The following ATAT1 variants were observed in gnomAD, a reference collection of about 807,000 sequenced individuals.
ATAT1 encodes the protein alpha-tubulin N-acetyltransferase 1.
In ATAT1, 42 loss-of-function variants were observed where a neutral mutation model predicts 57.2. The ratio of observed to expected loss-of-function variants is 0.73; its 90% confidence interval spans 0.57 to 0.95. The LOEUF (loss-of-function observed/expected upper bound fraction) is 0.95, where lower values mean the gene tolerates loss of function less well. ATAT1 is among the 40% of genes least tolerant of loss of function. ATAT1 has a pLI of 0.00. For synonymous variants in ATAT1, 168 were observed against 187.1 expected, an observed-to-expected ratio of 0.90 and a Z score of 0.83; for missense variants, 454 against 523.7, an observed-to-expected ratio of 0.87 and a Z score of 1.30.
rs377321616 is a variant in ATAT1, at chr6:30,642,282, G to A, written c.688+35G>A. The A allele has an allele frequency of 1.2e-4, 200 of 1,613,468 alleles. No homozygotes were observed. The African/African-American group carries it at 2.2e-3, about 18-fold the overall frequency. On this transcript the variant is annotated intron_variant, in intron 9 of 12. Transcript: ENST00000330083. ...GCAAGGGTCGGGTGTCTGGGCCTGG[G>A]GTACCTTAACACAAGGGAAGAGAAT...
intron 6 of ATAT1, among the ~76,000 whole-genome samples, chr6:30,628,981 A>C (rs1267770604): frequency 6.7e-6 from 1 of 149,908 alleles, no homozygotes; most frequent in Non-Finnish European, 1.5e-5. Flanking sequence ...GGCTCACTGC[A>C]GCCCAACCTT....
chr6:30,640,462 G>A lies in ATAT1; in HGVS notation c.547+40G>A, dbSNP rs758529689. On this transcript the variant is annotated intron_variant, in intron 7 of 12. Transcript: ENST00000330083. ...TTTGTTGGTCACGTAGTCGGGGTGA[G>A]GGAAAGGAAAGAGCTGGACTCTTGG... 5.0e-6 allele frequency: 8 copies of A among 1,612,790 alleles called. No individual in the cohort carries two copies. In the South Asian group the frequency reaches 6.6e-5, roughly 13 times the overall value.
chr6:30,636,515 G>A (rs1479792106), intron 6 of ATAT1, among the ~76,000 whole-genome samples: 1 of 152,136 alleles, frequency 6.6e-6, no homozygotes, highest in Non-Finnish European at 1.5e-5. Context: ...GAACCCAGGA[G>A]GCGGAGCTTG....
At chr6:30,643,399 A>G in intron 10 of ATAT1, 1 of 1,484,230 alleles carries the variant, frequency 6.7e-7, no homozygotes, top group African/African-American at 1.4e-5. Context: ...AGTCCATCGC[A>G]GCAGGCAGGG....
At chr6:30,637,166 G>T (rs1764275673) in intron 6 of ATAT1, among the ~76,000 whole-genome samples, 1 of 152,160 alleles carries the variant, frequency 6.6e-6, no homozygotes, top group Admixed American at 6.5e-5. Flanking sequence ...GCAGTATAGA[G>T]TGTAAATAAT....
Position 30,646,650 on chromosome 6 carries a change from C to G in ATAT1, c.*7C>G. Reference sequence around the variant, plus strand: ...CAGCACCAGGCCTTGGTGACCGCAGCCCCGTCAAACATCTTCAAAGTATTA... The same window carrying G: ...CAGCACCAGGCCTTGGTGACCGCAGGCCCGTCAAACATCTTCAAAGTATTA... On this transcript the variant is annotated 3_prime_UTR_variant, in exon 13 of 13. Transcript: ENST00000330083. 6.5e-7 allele frequency: 1 copy of G among 1,547,272 alleles called. No homozygotes were observed. Among genetic ancestry groups the G allele is most frequent in the Non-Finnish European group, 8.7e-7 (1 of 1,144,452 alleles).
chr6:30,635,723 T>A (rs879942896), intron 6 of ATAT1, among the ~76,000 whole-genome samples: 3 of 152,220 alleles, frequency 2.0e-5, no homozygotes, highest in Non-Finnish European at 4.4e-5. Flanking sequence ...TCTGAGAAGT[T>A]ACCATTGGAT....
chr6:30,627,770 T>C (rs1329744897), intron 3 of ATAT1, 43 bp downstream of exon 3: 24 of 1,605,660 alleles, frequency 1.5e-5, no homozygotes, highest in Non-Finnish European at 2.0e-5. Flanking sequence ...AATTCCTTCC[T>C]TCCTCAGCCC....
chr6:30,632,660 G>A (rs968693459), intron 6 of ATAT1, among the ~76,000 whole-genome samples: 4 of 151,246 alleles, frequency 2.6e-5, no homozygotes, highest in Non-Finnish European at 5.9e-5. Flanking sequence ...GGCAATAGCC[G>A]GGCACAGTGG....
At chr6:30,640,890 T>C (rs1424877236) in intron 8 of ATAT1, among the ~76,000 whole-genome samples, 1 of 152,170 alleles carries the variant, frequency 6.6e-6, no homozygotes, top group African/African-American at 2.4e-5. Flanking sequence ...GGCTCCTTTG[T>C]AAACCCCAGG....
Position 30,646,033 on chromosome 6 carries a change from T to C in ATAT1, c.1013-34T>C. The C allele has an allele frequency of 1.9e-6, 3 of 1,608,972 alleles. No individual in the cohort carries two copies. In the South Asian group the frequency reaches 3.3e-5, roughly 18 times the overall value. ...GTAGGCCACATTCACTGTCTACTCC[T>C]GCCTTCCCATTCACATGCCTGATAT... On this transcript the variant is annotated intron_variant, in intron 11 of 12. Transcript: ENST00000330083.
chr6:30,645,059 G>A (rs1271655280), intron 10 of ATAT1, among the ~76,000 whole-genome samples: 3 of 151,964 alleles, frequency 2.0e-5, no homozygotes, highest in Non-Finnish European at 4.4e-5. Flanking sequence ...ATTACCTGAC[G>A]TCTGCTCCAC....
At chr6:30,642,399 T>A in intron 9 of ATAT1, 152 bp downstream of exon 9, 1 of 1,144,890 alleles carries the variant, frequency 8.7e-7, no homozygotes, top group Non-Finnish European at 1.3e-6. Context: ...TCCCAGCACT[T>A]TGAGAGGCTA....
intron 10 of ATAT1, 29 bp downstream of exon 10, chr6:30,643,040 T>C: frequency 6.3e-7 from 1 of 1,582,052 alleles, no homozygotes; most frequent in Non-Finnish European, 8.6e-7. Flanking sequence ...CTAAGGAGCC[T>C]CACAGCTATA....
rs189167886 is a variant in ATAT1 at position 30,643,701 on chromosome 6, C to A, written c.932+690C>A. The A allele has an allele frequency of 6.5e-4, 959 of 1,472,948 alleles. 4 individuals carry two copies. The highest frequency in any genetic ancestry group is 5.7e-3 in the Middle Eastern group (29 of 5,052). 91.2% of individuals were successfully genotyped at this position (1,472,948 alleles called of 1,614,324 possible). A position where few individuals can be genotyped will look rare whatever the true frequency, so the allele number is the denominator to read the frequency against. On this transcript the variant is annotated intron_variant, in intron 10 of 12. Transcript: ENST00000330083. ...CCCATAGGATTCCCTCTTCTACTTT[C>A]TTAGACAGCAGGGATGTCAGGGTCT...
rs1306812545 is a variant in ATAT1, at chr6:30,646,090, G to A, written c.1036G>A (p.Glu346Lys). 2 of 1,610,478 alleles carry A rather than the reference G, an allele frequency of 1.2e-6. No homozygotes were observed. The highest frequency in any genetic ancestry group is 1.7e-5 in the Admixed American group (1 of 59,470). The change falls in exon 12 of 13, where the codon GAA becomes AAA. Residue 346 changes from glutamate (E) to lysine (K), a missense_variant. Glu to Lys is a moderately conservative substitution (Grantham distance 56, BLOSUM62 1). Coordinates refer to ENST00000330083, the MANE Select transcript of ATAT1 (RefSeq NM_001031722.4). ...AGGCAACCAAGACTCCAAGCAGGGA[G>A]AACAGGAAACAAAGAATAGGTGAGG...
At chr6:30,637,388 TG>T (rs1267423570) in intron 6 of ATAT1, among the ~76,000 whole-genome samples, 1 of 151,990 alleles carries the variant, frequency 6.6e-6, no homozygotes, top group Non-Finnish European at 1.5e-5. Flanking sequence ...TTTTTCTTTT[TG>T]AGGCAAGGTC....
rs778800185 is a variant in ATAT1 at position 30,628,482 on chromosome 6, T to C, written c.501+52T>C. The C allele has an allele frequency of 3.5e-6, 5 of 1,442,882 alleles. No individual in the cohort carries two copies. In the South Asian group the frequency reaches 4.7e-5, roughly 14 times the overall value. 89.4% of individuals were successfully genotyped at this position (1,442,882 alleles called of 1,614,324 possible). A position where few individuals can be genotyped will look rare whatever the true frequency, so the allele number is the denominator to read the frequency against. ...CACTGAGCATTCCCATTGAATTTAT[T>C]TGTTATTTATGGCAAAGAAGTAGTG... On this transcript the variant is annotated intron_variant, in intron 6 of 12. Transcript: ENST00000330083.
At chr6:30,634,958 A>G (rs1159566709) in intron 6 of ATAT1, among the ~76,000 whole-genome samples, 5 of 152,126 alleles carry the variant, frequency 3.3e-5, no homozygotes, top group Admixed American at 6.5e-5. Context: ...ACTGCACTCC[A>G]GCCTGGGCAA....
Sources: gnomAD v4.1 joint callset for allele counts (sites outside exome capture counted in the v4.1 genomes callset) on GRCh38, gnomAD v4.1.1 for gene constraint, MANE v1.5 for transcripts, NCBI Gene and HGNC (gene_info 2026-07-23, HGNC 2026-07-21) for gene names.